Variants in CORO2B observed in about 807,000 individuals in gnomAD.
CORO2B encodes the protein coronin-2B.
A neutral mutation model predicts 58.8 loss-of-function variants in CORO2B; 26 were observed. The observed-to-expected ratio is 0.44, with a 90% CI of 0.32 to 0.61. The LOEUF is 0.61. Among genes scored for constraint, CORO2B ranks in the 20% least tolerant of loss-of-function variants. The pLI, the probability that CORO2B is intolerant of heterozygous loss-of-function variation, is 0.04. For missense variants in CORO2B, 460 were observed against 645.1 expected (o/e 0.71, Z 3.11); for synonymous variants, 242 against 253.8 (o/e 0.95, Z 0.44).
intron 2 of CORO2B, among the ~76,000 whole-genome samples, chr15:68,657,204 T>G (rs1901835900): frequency 6.6e-6 from 1 of 152,056 alleles, no homozygotes; most frequent in African/African-American, 2.4e-5. Context: ...CAAAATAGGA[T>G]TACGCAAGAA....
In CORO2B at chr15:68,715,354, C is replaced by T. The variant is rs759043362; in HGVS notation, c.967+43C>T. 43 of 1,420,246 alleles carry T rather than the reference C, an allele frequency of 3.0e-5. No homozygotes were observed. The Admixed American group carries it at 3.3e-4, about 11-fold the overall frequency. 88.0% of individuals were successfully genotyped at this position (1,420,246 alleles called of 1,614,324 possible). The stretch of plus-strand genomic sequence containing the variant: ...TGCCACAGCTGGTGTGCTCATGGCA[C>T]GGGAGGACATCTGGCCCATGGGTCA... On this transcript the variant is annotated intron_variant, in intron 8 of 11. Coordinates refer to ENST00000261861, the MANE Select transcript of CORO2B (RefSeq NM_006091.5).
intron 1 of CORO2B, chr15:68,616,548 C>T (rs944703499): frequency 7.1e-6 from 7 of 985,344 alleles, no homozygotes; most frequent in Admixed American, 6.1e-5. Context: ...AGATTCAAAC[C>T]GCCTGCTGGG....
At chr15:68,539,559 C>G in the CORO2B span, among the ~76,000 whole-genome samples, 1 of 152,036 alleles carries the variant, frequency 6.6e-6, no homozygotes. Context: ...CCTGTAGTCC[C>G]AGCTACTCAG....
At chr15:68,699,372 A>T (rs918644935) in intron 3 of CORO2B, among the ~76,000 whole-genome samples, 31 of 143,792 alleles carry the variant, frequency 2.2e-4, no homozygotes, top group African/African-American at 8.0e-4. Context: ...GTGTGGATGG[A>T]GGGGGTCACA....
chr15:68,679,072 G>A (rs1342868132), intron 2 of CORO2B, among the ~76,000 whole-genome samples: 1 of 152,234 alleles, frequency 6.6e-6, no homozygotes, highest in Non-Finnish European at 1.5e-5. Flanking sequence ...TCGTGGATGA[G>A]TTCAGTAGAT....
chr15:68,573,378 A>T, the CORO2B span, among the ~76,000 whole-genome samples: 1 of 152,018 alleles, frequency 6.6e-6, no homozygotes, highest in African/African-American at 2.4e-5. Context: ...GGGTGGAAAT[A>T]AGCAGATCTG....
intron 2 of CORO2B, among the ~76,000 whole-genome samples, chr15:68,682,205 A>T (rs555134024): frequency 3.3e-5 from 5 of 152,172 alleles, no homozygotes; most frequent in Non-Finnish European, 7.3e-5. Flanking sequence ...AATCCTGCAG[A>T]TAGTTATGTA....
intron 1 of CORO2B, 121 bp downstream of exon 1, chr15:68,579,398 G>C: frequency 1.0e-6 from 1 of 999,486 alleles, no homozygotes; most frequent in Non-Finnish European, 1.3e-6. Context: ...AAGGTGCGGC[G>C]CGCGCCTCTC....
chr15:68,526,894 T>C, the CORO2B span, among the ~76,000 whole-genome samples: 7 of 152,220 alleles, frequency 4.6e-5, no homozygotes, highest in African/African-American at 1.4e-4. Context: ...CCAGTGTGAC[T>C]GTGTTTGAAG....
chr15:68,522,697 A>C, the CORO2B span, among the ~76,000 whole-genome samples: 1 of 152,140 alleles, frequency 6.6e-6, no homozygotes, highest in South Asian at 2.1e-4. Context: ...TCAGTTTTGG[A>C]ATTTGCTTGA....
At chr15:68,725,239 C>T (rs1043390266) in intron 11 of CORO2B, among the ~76,000 whole-genome samples, 1 of 151,986 alleles carries the variant, frequency 6.6e-6, no homozygotes, top group African/African-American at 2.4e-5. Flanking sequence ...CATGGTGGCA[C>T]ATGCCTGTAA....
rs1468241633 is a variant in CORO2B at position 68,645,030 on chromosome 15, C to T, written c.16-130C>T. On this transcript the variant is annotated intron_variant, in intron 1 of 11. Transcript: ENST00000261861. The surrounding 1 kb of genome is among the most constrained non-coding windows in gnomAD (Gnocchi z 4.5). ...GATGCTTCTTCCTTTCCATCTCTTCCTGACAGGGGACCCAGGGCCTGCTCA... is the reference window on the plus strand; with the variant it reads ...GATGCTTCTTCCTTTCCATCTCTTCTTGACAGGGGACCCAGGGCCTGCTCA... The T allele has an allele frequency of 8.1e-6, 7 of 865,468 alleles. No individual in the cohort carries two copies. The highest frequency in any genetic ancestry group is 1.2e-5 in the Non-Finnish European group (7 of 563,068). The allele number at this position is 865,468 out of a possible 1,614,324, so 53.6% of individuals were successfully genotyped here.
the CORO2B span, among the ~76,000 whole-genome samples, chr15:68,554,426 T>A: frequency 6.6e-6 from 1 of 152,152 alleles, no homozygotes; most frequent in Non-Finnish European, 1.5e-5. Flanking sequence ...CTGGAGAACC[T>A]CCAGCTGCCA....
chr15:68,562,458 G>A, the CORO2B span, among the ~76,000 whole-genome samples: 103 of 152,318 alleles, frequency 6.8e-4, 1 homozygote, highest in Admixed American at 4.5e-3. Flanking sequence ...TAGGGCTCAT[G>A]TCTTTACATT....
chr15:68,548,513 G>C, the CORO2B span, among the ~76,000 whole-genome samples: 2 of 152,168 alleles, frequency 1.3e-5, no homozygotes, highest in Non-Finnish European at 2.9e-5. Context: ...AGTCTTGCAA[G>C]CTGTACAAGT....
chr15:68,543,120 G>T, the CORO2B span, among the ~76,000 whole-genome samples: 8 of 152,332 alleles, frequency 5.3e-5, no homozygotes, highest in South Asian at 4.1e-4. Context: ...CAGGGATCGG[G>T]GGGTGGAGGG....
intron 1 of CORO2B, chr15:68,641,405 C>A: frequency 2.4e-6 from 1 of 425,346 alleles, no homozygotes; most frequent in Non-Finnish European, 3.1e-6. Flanking sequence ...CTTCCTGTGT[C>A]TACACCCTGA....
At chr15:68,647,467 A>G (rs540515771) in intron 2 of CORO2B, among the ~76,000 whole-genome samples, 242 of 152,248 alleles carry the variant, frequency 1.6e-3, no homozygotes, top group Middle Eastern at 6.8e-3. Context: ...AGGCAGGCAG[A>G]TCACCTGAGG....
chr15:68,718,784 C>T lies in CORO2B; in HGVS notation c.1054C>T (p.Pro352Ser). The T allele has an allele frequency of 6.2e-7, 1 of 1,614,086 alleles. No homozygotes were observed. Among genetic ancestry groups the T allele is most frequent in the South Asian group, 1.1e-5 (1 of 91,080 alleles). Residue 352 changes from proline (P) to serine (S), a missense_variant, in exon 9 of 12, where the codon CCC (proline) becomes TCC (serine). By Grantham distance (74) the Pro-to-Ser change is moderately conservative (BLOSUM62 -1). Transcript: ENST00000261861. The part of the protein sequence containing the change: ...KLVTLKGLIE[P>S]ISMIVPRRSD... ...GGTGACTCTCAAGGGCCTGATCGAGCCCATCTCCATGATCGTGCCCCGGAG... is the reference window on the plus strand; with the variant it reads ...GGTGACTCTCAAGGGCCTGATCGAGTCCATCTCCATGATCGTGCCCCGGAG...
Sources: allele counts gnomAD v4.1 joint callset (sites outside exome capture counted in the v4.1 genomes callset), GRCh38; gene constraint gnomAD v4.1.1; non-coding constraint Gnocchi (gnomAD v3.1); transcripts MANE v1.5; gene names NCBI Gene and HGNC (gene_info 2026-07-23, HGNC 2026-07-21).